Variants in XYLB observed in about 807,000 individuals in gnomAD.
The protein encoded by XYLB is xylulokinase.
A neutral mutation model predicts 78.7 loss-of-function variants in XYLB; 62 were observed. The observed-to-expected ratio is 0.79, with a 90% CI of 0.64 to 0.97. The LOEUF (loss-of-function observed/expected upper bound fraction) is 0.97. Among genes scored for constraint, XYLB ranks in the 50% least tolerant of loss-of-function variants. The pLI, the probability that XYLB is intolerant of heterozygous loss-of-function variation, is 0.00. For missense variants in XYLB, 687 were observed against 676.8 expected (o/e 1.02, Z -0.17); for synonymous variants, 245 against 247.4 (o/e 0.99, Z 0.09).
intron 15 of XYLB, among the ~76,000 whole-genome samples, chr3:38,381,553 T>C (rs1010531615): frequency 6.6e-6 from 1 of 152,158 alleles, no homozygotes; most frequent in Admixed American, 6.5e-5. Flanking sequence ...CAAAAGCAAA[T>C]GGGAAAAATA....
chr3:38,392,328 C>T (rs974066522), intron 15 of XYLB, among the ~76,000 whole-genome samples: 7 of 152,134 alleles, frequency 4.6e-5, no homozygotes, highest in African/African-American at 9.7e-5. Context: ...GATGGAGTTT[C>T]GCTCTTTTTG....
At chr3:38,391,828 G>T (rs1228357722) in intron 15 of XYLB, among the ~76,000 whole-genome samples, 1 of 152,130 alleles carries the variant, frequency 6.6e-6, no homozygotes, top group African/African-American at 2.4e-5. Context: ...CAATATACGG[G>T]ACGATCCCTC....
At position 38,372,646 on chromosome 3, in the gene XYLB, G is replaced by T; in HGVS notation, c.766-9G>T. 1 of 1,614,058 alleles carries T rather than the reference G, an allele frequency of 6.2e-7. No individual in the cohort carries two copies. Among genetic ancestry groups the T allele is most frequent in the Admixed American group, 1.7e-5 (1 of 60,014 alleles). On this transcript the variant is annotated splice_polypyrimidine_tract_variant and intron_variant, in intron 9 of 18. Coordinates refer to ENST00000207870, the MANE Select transcript of XYLB (RefSeq NM_005108.4). ...AACAGAGCACCTTTGCTTTGTCCCCGTCCCTCAGGGAGCCATTTCTTCCTA... is the reference window on the plus strand; with the variant it reads ...AACAGAGCACCTTTGCTTTGTCCCCTTCCCTCAGGGAGCCATTTCTTCCTA...
downstream of XYLB, among the ~76,000 whole-genome samples, chr3:38,417,619 T>C (rs1575554963): frequency 6.6e-6 from 1 of 152,086 alleles, no homozygotes; most frequent in African/African-American, 2.4e-5. Flanking sequence ...TAGTAGCTCA[T>C]GCCTGTAATC....
intron 17 of XYLB, among the ~76,000 whole-genome samples, chr3:38,398,641 T>TCTGC (rs544081780): frequency 0.079 from 11,863 of 149,488 alleles, 721 homozygotes; most frequent in Admixed American, 0.2. Context: ...TACCTATGAG[T>TCTGC]CTGCCTGCCT....
At chr3:38,410,438 A>T (rs1040884232) in intron 18 of XYLB, among the ~76,000 whole-genome samples, 3 of 152,102 alleles carry the variant, frequency 2.0e-5, no homozygotes, top group African/African-American at 7.2e-5. Flanking sequence ...ACCCTAGAGG[A>T]AAACCTAGGC....
intron 4 of XYLB, among the ~76,000 whole-genome samples, chr3:38,364,186 A>C (rs1706123832): frequency 6.6e-6 from 1 of 151,266 alleles, no homozygotes; most frequent in Non-Finnish European, 1.5e-5. Flanking sequence ...CTCCCCATCC[A>C]CCCAGGGCAC....
intron 15 of XYLB, 34 bp downstream of exon 15, chr3:38,379,376 T>C (rs1232097992): frequency 6.2e-7 from 1 of 1,609,032 alleles, no homozygotes; most frequent in African/African-American, 1.3e-5. Context: ...TGTCCCGGGG[T>C]GGGGGCTCAG....
intron 17 of XYLB, among the ~76,000 whole-genome samples, chr3:38,400,233 G>A (rs1708066539): frequency 6.6e-6 from 1 of 152,150 alleles, no homozygotes; most frequent in Admixed American, 6.5e-5. Context: ...CATGGTTATA[G>A]TGGTGACCCG....
intron 15 of XYLB, among the ~76,000 whole-genome samples, chr3:38,388,722 A>G (rs1419911132): frequency 6.6e-6 from 1 of 152,146 alleles, no homozygotes; most frequent in Non-Finnish European, 1.5e-5. Flanking sequence ...CATGATCTAT[A>G]TATTTTGTCA....
At chr3:38,370,974 T>TGGGACAGAGTGCTGGTGTGAAGAA (rs1706525820) in intron 9 of XYLB, among the ~76,000 whole-genome samples, 1 of 152,058 alleles carries the variant, frequency 6.6e-6, no homozygotes, top group African/African-American at 2.4e-5. Flanking sequence ...GAACTCTGGG[T>TGGGACAGAGTGCTGGTGTGAAGAA]GGGACAGAGT....
In XYLB at chr3:38,374,465, C is replaced by T. The variant is rs775962919; in HGVS notation, c.851C>T (p.Ser284Leu). The change falls in exon 11 of 19, where the codon TCG becomes TTG. Residue 284 changes from serine to leucine, a missense_variant. Physicochemically the swap from Ser to Leu is moderately radical, Grantham distance 145 (BLOSUM62 -2). Coordinates refer to ENST00000207870, the MANE Select transcript of XYLB (RefSeq NM_005108.4). ...VVAFTGDNPA[S>L]LAGMRLEEGD... is the part of the protein sequence containing the mutation. ...GAAGCTCCCCTCCCATTCTCAGCGT[C>T]GCTGGCAGGCATGAGACTGGAGGAA... The T allele has an allele frequency of 2.1e-5, 34 of 1,614,074 alleles. No individual in the cohort carries two copies. Among genetic ancestry groups the T allele is most frequent in the Non-Finnish European group, 2.9e-5 (34 of 1,179,984 alleles).
At chr3:38,367,673 C>T (rs1303818126) in intron 7 of XYLB, among the ~76,000 whole-genome samples, 2 of 152,196 alleles carry the variant, frequency 1.3e-5, no homozygotes, top group Non-Finnish European at 2.9e-5. Flanking sequence ...TGTGGAAGTA[C>T]AGACCCTTAG....
At chr3:38,407,653 G>C (rs1398411191) in intron 18 of XYLB, among the ~76,000 whole-genome samples, 1 of 152,106 alleles carries the variant, frequency 6.6e-6, no homozygotes, top group East Asian at 1.9e-4. Flanking sequence ...CATGTGCAGA[G>C]ACACACATAG....
chr3:38,428,980 A>G, the XYLB span, among the ~76,000 whole-genome samples: 1 of 152,210 alleles, frequency 6.6e-6, no homozygotes, highest in Non-Finnish European at 1.5e-5. Flanking sequence ...CCCTGCTGGG[A>G]GACCTGTTGA....
chr3:38,442,889 A>G, the XYLB span, among the ~76,000 whole-genome samples: 1 of 152,032 alleles, frequency 6.6e-6, no homozygotes, highest in Non-Finnish European at 1.5e-5. Flanking sequence ...GCCCTTCTGC[A>G]TTGTCCTTCC....
At chr3:38,398,823 G>A (rs1450624869) in intron 17 of XYLB, among the ~76,000 whole-genome samples, 38 of 150,508 alleles carry the variant, frequency 2.5e-4, no homozygotes, top group Non-Finnish European at 4.4e-4. Flanking sequence ...AGGAGATCGA[G>A]ATCATCCTGG....
In XYLB at chr3:38,360,367, G is replaced by C. The variant is rs148604148; in HGVS notation, c.169G>C (p.Asp57His). The C allele has an allele frequency of 2.4e-3, 3,949 of 1,613,592 alleles. 9 individuals carry two copies. The highest frequency in any genetic ancestry group is 2.8e-3 in the Non-Finnish European group (3,358 of 1,179,756). ...GTQGGVHVHK[D>H]GLTVTSPVLM... ...TCAGGGTGGTGTTCATGTGCACAAG[G>C]ATGGGCTGACGGTCACTTCTCCAGT... The change falls in exon 3 of 19, where the codon GAT (aspartate) becomes CAT (histidine). Residue 57 changes from aspartate to histidine, a missense_variant. By Grantham distance (81) the Asp-to-His change is moderately conservative. Coordinates refer to ENST00000207870, the MANE Select transcript of XYLB (RefSeq NM_005108.4).
At position 38,358,357 on chromosome 3, in the gene XYLB, G is replaced by GTGTGTGT. The variant is rs774476552; in HGVS notation, c.141-1981_141-1980insGTGTGTT. On this transcript the variant is annotated intron_variant, in intron 2 of 18. Transcript: ENST00000207870. ...TGTGTGTGTGTGTGTGTGTGTGTGT[G>GTGTGTGT]TTTGAGACAGAGCCTTGCTCTGTTG... is the stretch of plus-strand genomic sequence containing the variant. 1.6e-4 allele frequency among the ~76,000 whole-genome samples: 14 copies of GTGTGTGT among 90,120 alleles called. No homozygotes were observed. The South Asian group carries it at 1.8e-3, about 11-fold the overall frequency. 59.1% of individuals were successfully genotyped at this position (90,120 alleles called of 152,430 possible).
Sources: gnomAD v4.1 joint callset for allele counts (sites outside exome capture counted in the v4.1 genomes callset) on GRCh38, gnomAD v4.1.1 for gene constraint, MANE v1.5 for transcripts, NCBI Gene and HGNC (gene_info 2026-07-23, HGNC 2026-07-21) for gene names.